Variants in KLF8 observed in about 807,000 individuals in gnomAD.
KLF8 encodes the protein Krueppel-like factor 8.
A neutral mutation model predicts 18.2 loss-of-function variants in KLF8; 10 were observed. The ratio of observed to expected loss-of-function variants is 0.55; its 90% confidence interval spans 0.34 to 0.93. The LOEUF (loss-of-function observed/expected upper bound fraction) is 0.93, where lower values mean the gene tolerates loss of function less well. Among genes scored for constraint, KLF8 ranks in the 40% least tolerant of loss-of-function variants. The pLI is 0.02. For synonymous variants in KLF8, 109 were observed against 97.3 expected (o/e 1.12, Z -0.71); for missense variants, 264 against 277.9 (o/e 0.95, Z 0.36).
At chrX:56,056,023 A>G in the KLF8 span, among the ~76,000 whole-genome samples, 1 of 111,198 alleles carries the variant, frequency 9.0e-6, no homozygotes, top group Non-Finnish European at 1.9e-5. Context: ...CCTGGATCTC[A>G]ATGATCTTCC....
the KLF8 span, among the ~76,000 whole-genome samples, chrX:55,994,995 T>C: frequency 5.8e-4 from 65 of 112,020 alleles, no homozygotes; most frequent in African/African-American, 2.1e-3. Flanking sequence ...ACAATCTGTC[T>C]AATACTGTTA....
chrX:56,052,212 G>C, the KLF8 span, among the ~76,000 whole-genome samples: 1 of 110,778 alleles, frequency 9.0e-6, no homozygotes, highest in Non-Finnish European at 1.9e-5. Flanking sequence ...CCTTTGGTTT[G>C]AATGTCCTCC....
the KLF8 span, among the ~76,000 whole-genome samples, chrX:55,960,433 G>A: frequency 2.7e-5 from 3 of 111,402 alleles, no homozygotes; most frequent in East Asian, 2.8e-4. Context: ...GGAAAATCAC[G>A]TGATCACAGG....
chrX:56,270,054 G>A (rs1361529496), intron 4 of KLF8, 128 bp from the exon 5 acceptor site: 3 of 629,503 alleles, frequency 4.8e-6, no homozygotes, highest in East Asian at 3.7e-5. Flanking sequence ...ATTTCTTTTT[G>A]GGGGGACCTA....
the KLF8 span, among the ~76,000 whole-genome samples, chrX:56,005,851 G>T: frequency 9.0e-6 from 1 of 111,278 alleles, no homozygotes; most frequent in Non-Finnish European, 1.9e-5. Context: ...TGTGGTGGTG[G>T]AGGACACTCT....
chrX:55,921,176 A>G, the KLF8 span, among the ~76,000 whole-genome samples: 4,296 of 112,326 alleles, frequency 0.038, 220 homozygotes, highest in African/African-American at 0.13. Flanking sequence ...TTAAATTTAT[A>G]AGAAAAAATC....
the KLF8 span, among the ~76,000 whole-genome samples, chrX:55,981,698 G>T: frequency 8.9e-6 from 1 of 111,785 alleles, no homozygotes; most frequent in Non-Finnish European, 1.9e-5. Flanking sequence ...GCCTTCTTTG[G>T]GTGGAATCTT....
chrX:56,241,909 T>G (rs1342640507), intron 1 of KLF8, among the ~76,000 whole-genome samples: 1 of 112,488 alleles, frequency 8.9e-6, no homozygotes, highest in African/African-American at 3.2e-5. Context: ...TATAATACCT[T>G]TAAATCTGTT....
the KLF8 span, among the ~76,000 whole-genome samples, chrX:56,116,139 T>C: frequency 4.7e-4 from 53 of 113,015 alleles, no homozygotes; most frequent in South Asian, 0.019. Context: ...TTAAAGTTGT[T>C]ACTACATGGC....
chrX:56,099,750 A>G, the KLF8 span, among the ~76,000 whole-genome samples: 1 of 112,012 alleles, frequency 8.9e-6, no homozygotes, highest in African/African-American at 3.2e-5. Context: ...TAATCCAGAG[A>G]AAGTCCTTAA....
chrX:56,037,258 A>G, the KLF8 span, among the ~76,000 whole-genome samples: 1 of 111,886 alleles, frequency 8.9e-6, no homozygotes, highest in Middle Eastern at 4.6e-3. Flanking sequence ...CATTCCTGGA[A>G]TAAATCCCAC....
chrX:56,157,290 C>G, the KLF8 span, among the ~76,000 whole-genome samples: 1 of 109,370 alleles, frequency 9.1e-6, no homozygotes, highest in Admixed American at 9.8e-5. Context: ...ATGTAAATCA[C>G]AAGTTAATGG....
At chrX:56,047,468 A>C in the KLF8 span, among the ~76,000 whole-genome samples, 162 of 91,117 alleles carry the variant, frequency 1.8e-3, no homozygotes, top group Non-Finnish European at 2.9e-3. Flanking sequence ...TCCTGTGTCC[A>C]TGTGTTCTCA....
chrX:56,201,030 C>G, the KLF8 span, among the ~76,000 whole-genome samples: 1 of 111,161 alleles, frequency 9.0e-6, no homozygotes, highest in Non-Finnish European at 1.9e-5. Context: ...ATTGTTACAG[C>G]CATTATGGAA....
At chrX:56,184,184 C>T in the KLF8 span, among the ~76,000 whole-genome samples, 1 of 112,388 alleles carries the variant, frequency 8.9e-6, no homozygotes, top group South Asian at 3.7e-4. Flanking sequence ...CTGCGCATTT[C>T]CGACGGGCTT....
At chrX:56,223,254 A>G in the KLF8 span, among the ~76,000 whole-genome samples, 2 of 113,119 alleles carry the variant, frequency 1.8e-5, no homozygotes, top group Non-Finnish European at 3.7e-5. Context: ...TGGTACTCAT[A>G]GGAATTAAAT....
chrX:55,992,998 G>A, the KLF8 span, among the ~76,000 whole-genome samples: 201 of 111,380 alleles, frequency 1.8e-3, 1 homozygote, highest in Admixed American at 0.018. Context: ...AAGCGTTTTG[G>A]CAGAGATTAT....
chrX:55,938,638 T>G, the KLF8 span, among the ~76,000 whole-genome samples: 2 of 110,797 alleles, frequency 1.8e-5, no homozygotes, highest in Non-Finnish European at 3.8e-5. Flanking sequence ...CCATCTCACG[T>G]GCAGAGACAC....
chrX:56,270,124 T>C (rs745774045), intron 4 of KLF8, 58 bp from the exon 5 acceptor site: 382 of 1,108,420 alleles, frequency 3.4e-4, no homozygotes, highest in Middle Eastern at 5.0e-4. Flanking sequence ...TGTAAATTCA[T>C]TTTTTTAGCC....
Sources: allele counts gnomAD v4.1 joint callset (sites outside exome capture counted in the v4.1 genomes callset), GRCh38; gene constraint gnomAD v4.1.1; transcripts MANE v1.5; gene names NCBI Gene and HGNC (gene_info 2026-07-23, HGNC 2026-07-21).